The following YEATS4 variants were observed in gnomAD, a reference collection of about 807,000 sequenced individuals.
The protein encoded by YEATS4 is YEATS domain-containing protein 4.
In YEATS4, 17 loss-of-function variants were observed where a neutral mutation model predicts 30.1. The observed-to-expected ratio is 0.56, with a 90% CI of 0.39 to 0.85. The LOEUF (loss-of-function observed/expected upper bound fraction) is 0.85, where lower values mean the gene tolerates loss of function less well. Among genes scored for constraint, YEATS4 ranks in the 40% least tolerant of loss-of-function variants. The pLI is 0.00. For missense variants in YEATS4, 142 were observed against 268.3 expected, an observed-to-expected ratio of 0.53 and a Z score of 3.29; for synonymous variants, 85 against 87.5, an observed-to-expected ratio of 0.97 and a Z score of 0.16.
At chr12:69,389,249 C>CA (rs1297248160) in intron 6 of YEATS4, among the ~76,000 whole-genome samples, 1 of 151,852 alleles carries the variant, frequency 6.6e-6, no homozygotes, top group Non-Finnish European at 1.5e-5. Flanking sequence ...CAGGAGTTCG[C>CA]AGTCAGCCTG....
chr12:69,405,723 G>T, the YEATS4 span, among the ~76,000 whole-genome samples: 1 of 152,186 alleles, frequency 6.6e-6, no homozygotes, highest in Non-Finnish European at 1.5e-5. Context: ...GGATGGAGTG[G>T]AACTGCAAGA....
the YEATS4 span, chr12:69,422,573 G>A: frequency 7.0e-6 from 1 of 142,984 alleles, no homozygotes; most frequent in Non-Finnish European, 1.5e-5. Flanking sequence ...CAAGGCTGCA[G>A]TGAGCCAAGA....
chr12:69,415,485 C>T, the YEATS4 span, among the ~76,000 whole-genome samples: 4 of 152,086 alleles, frequency 2.6e-5, no homozygotes, highest in African/African-American at 9.7e-5. Context: ...CTCTTGAACC[C>T]AGGAGGCAGA....
chr12:69,377,948 C>T (rs576388951), intron 6 of YEATS4, among the ~76,000 whole-genome samples: 10 of 152,206 alleles, frequency 6.6e-5, no homozygotes, highest in Non-Finnish European at 1.0e-4. Context: ...TGGATGTTGG[C>T]GATGCCAGGT....
intron 6 of YEATS4, among the ~76,000 whole-genome samples, chr12:69,389,306 C>T (rs563860703): frequency 4.6e-5 from 7 of 151,540 alleles, no homozygotes; most frequent in South Asian, 2.1e-4. Flanking sequence ...AAAAATTAGC[C>T]GGGCATGGCA....
intron 6 of YEATS4, among the ~76,000 whole-genome samples, chr12:69,375,479 C>T (rs896762203): frequency 2.0e-4 from 31 of 152,136 alleles, no homozygotes; most frequent in Admixed American, 3.3e-4. Context: ...GGCAGAGACG[C>T]TCCTCACTTC....
chr12:69,419,762 C>T, the YEATS4 span, among the ~76,000 whole-genome samples: 1 of 152,178 alleles, frequency 6.6e-6, no homozygotes, highest in Non-Finnish European at 1.5e-5. Flanking sequence ...CCAGAAAAGA[C>T]CTGGGCATAA....
chr12:69,396,640 TAA>T, the YEATS4 span, among the ~76,000 whole-genome samples: 2 of 152,188 alleles, frequency 1.3e-5, no homozygotes, highest in African/African-American at 4.8e-5. Context: ...TTAATCTGGT[TAA>T]GTCATGTTCT....
chr12:69,390,356 A>G lies in YEATS4; in HGVS notation c.*40A>G, dbSNP rs1275778169. The G allele has an allele frequency of 1.3e-6, 2 of 1,505,298 alleles. No homozygotes were observed. The highest frequency in any genetic ancestry group is 2.5e-5 in the Admixed American group (1 of 40,268). 93.2% of individuals were successfully genotyped at this position (1,505,298 alleles called of 1,614,324 possible). On this transcript the variant is annotated 3_prime_UTR_variant, in exon 7 of 7. Coordinates refer to ENST00000247843, the MANE Select transcript of YEATS4 (RefSeq NM_006530.4). The stretch of plus-strand genomic sequence containing the variant: ...AACTTGGTAGTAAGCTAAACTGAAA[A>G]TAAGGTGGGCTTCACTGGAGAAATG...
At chr12:69,410,285 A>G in the YEATS4 span, among the ~76,000 whole-genome samples, 1 of 152,152 alleles carries the variant, frequency 6.6e-6, no homozygotes, top group Non-Finnish European at 1.5e-5. Context: ...GCAACCACTC[A>G]TCTTCTTTGT....
At chr12:69,415,006 T>G in the YEATS4 span, among the ~76,000 whole-genome samples, 1 of 152,194 alleles carries the variant, frequency 6.6e-6, no homozygotes. Flanking sequence ...GCTACCTAAA[T>G]TCCTGCAGGA....
chr12:69,406,284 T>G, the YEATS4 span, among the ~76,000 whole-genome samples: 1 of 152,210 alleles, frequency 6.6e-6, no homozygotes, highest in African/African-American at 2.4e-5. Flanking sequence ...ACCAACTCAA[T>G]TGCAAATCTC....
In YEATS4 at chr12:69,375,196, G is replaced by A. The variant is rs1268255901; in HGVS notation, c.514+4221G>A. ...TCCTCACTTCTCAGACGGGGCGGCC[G>A]GTCAGAGACGCTCCTCACCTCCCAG... On this transcript the variant is annotated intron_variant, in intron 6 of 6. Coordinates refer to ENST00000247843, the MANE Select transcript of YEATS4 (RefSeq NM_006530.4). 3.6e-4 allele frequency among the ~76,000 whole-genome samples: 54 copies of A among 149,702 alleles called. No individual in the cohort carries two copies. In the South Asian group the frequency reaches 7.4e-3, roughly 21 times the overall value.
chr12:69,426,837 G>C, the YEATS4 span, among the ~76,000 whole-genome samples: 1 of 152,188 alleles, frequency 6.6e-6, no homozygotes, highest in Non-Finnish European at 1.5e-5. Context: ...CTCAAGGGTA[G>C]CAGATTAACT....
chr12:69,416,461 A>G, the YEATS4 span, among the ~76,000 whole-genome samples: 1 of 152,194 alleles, frequency 6.6e-6, no homozygotes, highest in Non-Finnish European at 1.5e-5. Context: ...CAACACTCAC[A>G]GTGGCCTAGT....
At chr12:69,414,637 A>T in the YEATS4 span, among the ~76,000 whole-genome samples, 1 of 152,214 alleles carries the variant, frequency 6.6e-6, no homozygotes, top group African/African-American at 2.4e-5. Flanking sequence ...TCTGTCCAGA[A>T]CATTTTATTG....
the YEATS4 span, among the ~76,000 whole-genome samples, chr12:69,397,831 A>G: frequency 1.3e-5 from 2 of 152,132 alleles, no homozygotes; most frequent in South Asian, 2.1e-4. Context: ...GGAGAAACTA[A>G]TCCTGCCCAC....
At chr12:69,367,547 G>A (rs1043753520) in intron 4 of YEATS4, among the ~76,000 whole-genome samples, 7 of 151,998 alleles carry the variant, frequency 4.6e-5, no homozygotes, top group Admixed American at 3.9e-4. Flanking sequence ...TTTATTTTCT[G>A]TAGAGATAGG....
In YEATS4 at chr12:69,359,919, C is replaced by A; in HGVS notation, c.-54C>A. ...CGCGGTCTCTGAGGGGAGCGGCGACCCCGCCAGCCCCGGTCTCTTTCCCTG... is the reference window on the plus strand; with the variant it reads ...CGCGGTCTCTGAGGGGAGCGGCGACACCGCCAGCCCCGGTCTCTTTCCCTG... On this transcript the variant is annotated 5_prime_UTR_variant, in exon 1 of 7. Transcript: ENST00000247843. The A allele has an allele frequency of 2.5e-6, 4 of 1,605,226 alleles. No homozygotes were observed. In the South Asian group the frequency reaches 4.4e-5, roughly 18 times the overall value.
Sources: gnomAD v4.1 joint callset for allele counts (sites outside exome capture counted in the v4.1 genomes callset) on GRCh38, gnomAD v4.1.1 for gene constraint, MANE v1.5 for transcripts, NCBI Gene and HGNC (gene_info 2026-07-23, HGNC 2026-07-21) for gene names.